The following CYP19A1 variants were observed in gnomAD, a reference collection of about 807,000 sequenced individuals.
CYP19A1 encodes cytochrome P450 family 19 subfamily A member 1.
A neutral mutation model predicts 44.4 loss-of-function variants in CYP19A1; 32 were observed. That is an observed-to-expected ratio of 0.72 (90% CI 0.54 to 0.97). The LOEUF (loss-of-function observed/expected upper bound fraction) is 0.97. Ranked by LOEUF, CYP19A1 falls within the 50% of genes least tolerant of loss-of-function variation. The probability of loss-of-function intolerance (pLI) is 0.00; values close to 1 mark genes in which losing one functional copy is unlikely to be tolerated. For missense variants in CYP19A1, 598 were observed against 637.8 expected, an observed-to-expected ratio of 0.94 and a Z score of 0.67; for synonymous variants, 212 against 215.6, an observed-to-expected ratio of 0.98 and a Z score of 0.14.
At chr15:51,308,661 A>G (rs953481813) in intron 1 of CYP19A1, among the ~76,000 whole-genome samples, 2 of 152,132 alleles carry the variant, frequency 1.3e-5, no homozygotes, top group African/African-American at 4.8e-5. Context: ...TTCAGACCCC[A>G]AAGTCTTAGA....
At chr15:51,332,794 C>A (rs1566929014) in intron 1 of CYP19A1, among the ~76,000 whole-genome samples, 2 of 152,294 alleles carry the variant, frequency 1.3e-5, no homozygotes, top group Non-Finnish European at 2.9e-5. Context: ...CCTCAATCAT[C>A]CCTACTTCAG....
At chr15:51,336,049 C>A (rs889269974) in intron 1 of CYP19A1, among the ~76,000 whole-genome samples, 1 of 152,202 alleles carries the variant, frequency 6.6e-6, no homozygotes, top group Non-Finnish European at 1.5e-5. Flanking sequence ...GCTTCAGGTG[C>A]CAACACAAGC....
At chr15:51,257,130 C>T (rs768532555) in intron 1 of CYP19A1, among the ~76,000 whole-genome samples, 1 of 152,224 alleles carries the variant, frequency 6.6e-6, no homozygotes, top group Non-Finnish European at 1.5e-5. Context: ...ATACTGCCCT[C>T]GTTGCTGCTG....
At position 51,252,141 on chromosome 15, in the gene CYP19A1, G is replaced by C. The variant is rs1220596525; in HGVS notation, c.-38-9191C>G. On this transcript the variant is annotated intron_variant, in intron 1 of 9. Transcript: ENST00000396402. ...TACACTGAGACGTCAGGGAGGCTGG[G>C]GTGCATGTGGCCCACTTTGGCCAAC... 3.3e-5 allele frequency among the ~76,000 whole-genome samples: 5 copies of C among 152,156 alleles called. No homozygotes were observed. In the East Asian group the frequency reaches 9.6e-4, roughly 29 times the overall value.
At chr15:51,313,947 G>C (rs1306658649) in intron 1 of CYP19A1, 1 of 152,116 alleles carries the variant, frequency 6.6e-6, no homozygotes, top group African/African-American at 2.4e-5. Flanking sequence ...ACGCTCACCT[G>C]GCTTAGGAAC....
At chr15:51,326,121 C>A (rs2036604928) in intron 1 of CYP19A1, among the ~76,000 whole-genome samples, 1 of 152,174 alleles carries the variant, frequency 6.6e-6, no homozygotes, top group South Asian at 2.1e-4. Flanking sequence ...TAAGTTGAAT[C>A]ATTATAAGTC....
At chr15:51,262,618 C>G (rs2034772150) in intron 1 of CYP19A1, among the ~76,000 whole-genome samples, 1 of 152,178 alleles carries the variant, frequency 6.6e-6, no homozygotes. Flanking sequence ...GACTTGAGGC[C>G]TCCTCACTCC....
intron 1 of CYP19A1, among the ~76,000 whole-genome samples, chr15:51,308,346 G>A (rs1309549255): frequency 6.6e-6 from 1 of 152,240 alleles, no homozygotes; most frequent in African/African-American, 2.4e-5. Context: ...CTCCTGGTCA[G>A]AGGAAAATGT....
At chr15:51,272,930 A>T (rs1471174835) in intron 1 of CYP19A1, among the ~76,000 whole-genome samples, 1 of 152,164 alleles carries the variant, frequency 6.6e-6, no homozygotes, top group Non-Finnish European at 1.5e-5. Context: ...AACAGGCTTC[A>T]TAATGGGAGG....
intron 1 of CYP19A1, among the ~76,000 whole-genome samples, chr15:51,258,148 C>A (rs943165265): frequency 6.6e-6 from 1 of 152,194 alleles, no homozygotes; most frequent in Non-Finnish European, 1.5e-5. Flanking sequence ...TTTCTTTTCT[C>A]CCCTCTCCTT....
Position 51,218,578 on chromosome 15 carries a change from T to C in CYP19A1, c.706A>G (p.Lys236Glu), listed in dbSNP as rs767183902. 2 of 1,613,668 alleles carry C rather than the reference T, an allele frequency of 1.2e-6. No homozygotes were observed. The highest frequency in any genetic ancestry group is 1.7e-6 in the Non-Finnish European group (2 of 1,179,890). ...ALLIKPDIFF[K>E]ISWLYKKYEK... ...TACTTTTTGTATAGCCAAGAAATCT[T>C]AAAGAAGATGTCTGGTTTGATGAGG... Residue 236 changes from lysine to glutamate, a missense_variant, in exon 6 of 10, where the codon AAG (lysine) becomes GAG (glutamate). Transcript: ENST00000396402.
At chr15:51,320,573 C>T (rs1460699468) in intron 1 of CYP19A1, among the ~76,000 whole-genome samples, 1 of 152,130 alleles carries the variant, frequency 6.6e-6, no homozygotes, top group Non-Finnish European at 1.5e-5. Flanking sequence ...TCCTTGTGGC[C>T]CCAAGAGGCC....
chr15:51,234,694 C>T (rs774130870), intron 3 of CYP19A1, among the ~76,000 whole-genome samples: 3 of 152,038 alleles, frequency 2.0e-5, no homozygotes, highest in Non-Finnish European at 2.9e-5. Context: ...GGGGAGAGGC[C>T]CTCCTGCCCC....
chr15:51,238,223 C>A (rs974851613), intron 2 of CYP19A1, among the ~76,000 whole-genome samples: 1 of 152,144 alleles, frequency 6.6e-6, no homozygotes, highest in Non-Finnish European at 1.5e-5. Flanking sequence ...ATTTTAGTAA[C>A]ACTACATTAT....
At chr15:51,291,890 A>G (rs796083424) in intron 1 of CYP19A1, among the ~76,000 whole-genome samples, 8 of 152,362 alleles carry the variant, frequency 5.3e-5, no homozygotes, top group African/African-American at 1.9e-4. Flanking sequence ...ACTGGAGTCC[A>G]AGGAAGAAAG....
intron 1 of CYP19A1, among the ~76,000 whole-genome samples, chr15:51,270,302 A>C (rs2035077206): frequency 1.3e-5 from 2 of 152,128 alleles, no homozygotes; most frequent in Admixed American, 1.3e-4. Context: ...TCCTGAACTG[A>C]AACCTTGCTG....
At chr15:51,296,095 A>G (rs1199510599) in intron 1 of CYP19A1, among the ~76,000 whole-genome samples, 1 of 151,926 alleles carries the variant, frequency 6.6e-6, no homozygotes, top group Non-Finnish European at 1.5e-5. Flanking sequence ...GGGCCTGGGA[A>G]AAAGATTGCA....
chr15:51,264,570 A>T (rs939161661), intron 1 of CYP19A1, among the ~76,000 whole-genome samples: 1 of 152,180 alleles, frequency 6.6e-6, no homozygotes, highest in Non-Finnish European at 1.5e-5. Flanking sequence ...CACTGAAATT[A>T]TAGAATTTAT....
chr15:51,226,092 A>G (rs2032550308), intron 4 of CYP19A1, among the ~76,000 whole-genome samples: 2 of 2,148 alleles, frequency 9.3e-4, no homozygotes, highest in South Asian at 0.025. Context: ...CTGTCTCAGA[A>G]AAAAAAAAAA....
Sources: gnomAD v4.1 joint callset for allele counts (sites outside exome capture counted in the v4.1 genomes callset) on GRCh38, gnomAD v4.1.1 for gene constraint, MANE v1.5 for transcripts, NCBI Gene and HGNC (gene_info 2026-07-23, HGNC 2026-07-21) for gene names.